Variants in RBFOX1 observed in about 807,000 individuals in gnomAD.
The protein encoded by RBFOX1 is RNA binding fox-1 homolog 1.
In RBFOX1, 8 loss-of-function variants were observed where a neutral mutation model predicts 57.7. That is an observed-to-expected ratio of 0.14 (90% CI 0.08 to 0.25). The LOEUF (loss-of-function observed/expected upper bound fraction) is 0.25, where lower values mean the gene tolerates loss of function less well. RBFOX1 is among the 10% of genes least tolerant of loss of function. The probability of loss-of-function intolerance (pLI) is 1.00; values close to 1 mark genes in which losing one functional copy is unlikely to be tolerated. For synonymous variants in RBFOX1, 326 were observed against 222.4 expected (o/e 1.47, Z -4.15); for missense variants, 611 against 548.5 (o/e 1.11, Z -1.14).
At chr16:7,587,023 T>C (rs562328466) in intron 6 of RBFOX1, among the ~76,000 whole-genome samples, 1 of 152,228 alleles carries the variant, frequency 6.6e-6, no homozygotes, top group Non-Finnish European at 1.5e-5. Context: ...ATTAACCTCT[T>C]GATTAATATT....
At chr16:7,465,320 G>T (rs1387088917) in intron 4 of RBFOX1, among the ~76,000 whole-genome samples, 1 of 152,212 alleles carries the variant, frequency 6.6e-6, no homozygotes, top group Non-Finnish European at 1.5e-5. Flanking sequence ...GCCTTCTCGT[G>T]TTGGGTGGGA....
chr16:5,711,547 G>A (rs552885928), intron 3 of RBFOX1, among the ~76,000 whole-genome samples: 1 of 152,290 alleles, frequency 6.6e-6, no homozygotes, highest in South Asian at 2.1e-4. Context: ...GAAATAAAGA[G>A]CATTAGGTGG....
At chr16:5,599,457 C>T (rs1266914146) in exon 3 of RBFOX1, 2 of 535,270 alleles carry the variant, frequency 3.7e-6, no homozygotes, top group Non-Finnish European at 6.6e-6. Flanking sequence ...GTGTATCCCT[C>T]ATCTGTCACC....
At chr16:6,731,754 CT>C (rs1212926002) in intron 3 of RBFOX1, among the ~76,000 whole-genome samples, 9 of 152,010 alleles carry the variant, frequency 5.9e-5, no homozygotes, top group Non-Finnish European at 1.0e-4. Context: ...TTACAGGATG[CT>C]TTTTTCTTCC....
chr16:7,569,205 A>G (rs1339326010), intron 5 of RBFOX1, among the ~76,000 whole-genome samples: 1 of 152,196 alleles, frequency 6.6e-6, no homozygotes, highest in Non-Finnish European at 1.5e-5. Flanking sequence ...TCAGATGACC[A>G]TACACCTAGT....
At chr16:5,898,614 A>G (rs2058226249) in intron 4 of RBFOX1, among the ~76,000 whole-genome samples, 1 of 151,932 alleles carries the variant, frequency 6.6e-6, no homozygotes, top group Admixed American at 6.6e-5. Context: ...TGTTTTGCAG[A>G]TGAATGAATC....
chr16:7,340,569 C>G (rs1161357692), intron 4 of RBFOX1, among the ~76,000 whole-genome samples: 1 of 152,168 alleles, frequency 6.6e-6, no homozygotes, highest in African/African-American at 2.4e-5. Context: ...ACAGTCCAAC[C>G]AGGACATCCA....
chr16:7,673,738 A>C (rs539170568), intron 13 of RBFOX1, among the ~76,000 whole-genome samples: 1 of 152,220 alleles, frequency 6.6e-6, no homozygotes, highest in Non-Finnish European at 1.5e-5. Flanking sequence ...TTTTTATATA[A>C]GGTTACATTT....
intron 2 of RBFOX1, among the ~76,000 whole-genome samples, chr16:5,515,235 A>T (rs2043748056): frequency 6.6e-6 from 1 of 152,222 alleles, no homozygotes; most frequent in African/African-American, 2.4e-5. Context: ...GCCTGTGCCT[A>T]CTGTCAGCTC....
In RBFOX1 at chr16:6,019,941, G is replaced by A. The variant is rs1317818120; in HGVS notation, c.-178G>A. 1 of 1,534,306 alleles carries A rather than the reference G, an allele frequency of 6.5e-7. No homozygotes were observed. The highest frequency in any genetic ancestry group is 1.4e-5 in the African/African-American group (1 of 73,112). On this transcript the variant is annotated 5_prime_UTR_variant, in exon 1 of 16. Transcript: ENST00000550418. The surrounding 1 kb of genome is among the most constrained non-coding windows in gnomAD (Gnocchi z 4.2). The stretch of plus-strand genomic sequence containing the variant: ...GGGTGCAGAGAGCGCACGGGAATTC[G>A]GGGGTCTGGGGCCGAGAACGTGACC...
intron 3 of RBFOX1, among the ~76,000 whole-genome samples, chr16:6,959,246 C>T (rs1326797322): frequency 6.6e-6 from 1 of 152,122 alleles, no homozygotes; most frequent in Non-Finnish European, 1.5e-5. Context: ...GCTCAGGGGA[C>T]AGGCAGATTT....
intron 3 of RBFOX1, 130 bp downstream of exon 3, chr16:6,654,780 G>A (rs574939829): frequency 4.9e-6 from 3 of 606,222 alleles, no homozygotes; most frequent in Non-Finnish European, 7.9e-6. Context: ...CATATTTAAA[G>A]ACAATCAGAC....
intron 1 of RBFOX1, among the ~76,000 whole-genome samples, chr16:5,333,731 A>G (rs1467047957): frequency 6.6e-6 from 1 of 152,220 alleles, no homozygotes; most frequent in Non-Finnish European, 1.5e-5. Context: ...TCTGCTACAC[A>G]CCTAGGCTAT....
At chr16:5,705,997 G>A (rs958758222) in intron 3 of RBFOX1, among the ~76,000 whole-genome samples, 1 of 152,218 alleles carries the variant, frequency 6.6e-6, no homozygotes, top group African/African-American at 2.4e-5. Context: ...TGCAACCTCT[G>A]CCTCCCAGGT....
At chr16:6,129,919 C>T (rs1161727379) in intron 1 of RBFOX1, among the ~76,000 whole-genome samples, 1 of 151,992 alleles carries the variant, frequency 6.6e-6, no homozygotes, top group Non-Finnish European at 1.5e-5. Context: ...ACACTGTCAA[C>T]ACAGAATTGT....
intron 3 of RBFOX1, among the ~76,000 whole-genome samples, chr16:5,629,288 T>G (rs1341878028): frequency 6.6e-6 from 1 of 152,196 alleles, no homozygotes; most frequent in Non-Finnish European, 1.5e-5. Context: ...TGTTCAATAT[T>G]TAACAACATT....
At chr16:5,564,008 T>A (rs2045976534) in intron 2 of RBFOX1, among the ~76,000 whole-genome samples, 1 of 152,070 alleles carries the variant, frequency 6.6e-6, no homozygotes, top group Non-Finnish European at 1.5e-5. Context: ...AGGAGAGAGT[T>A]TTTTTAAAAA....
intron 1 of RBFOX1, among the ~76,000 whole-genome samples, chr16:6,168,505 G>A (rs948534101): frequency 6.6e-6 from 1 of 152,144 alleles, no homozygotes; most frequent in Middle Eastern, 3.2e-3. Flanking sequence ...TGAGCCTATA[G>A]CAATTCAACC....
At chr16:6,615,142 A>G (rs139495703) in intron 2 of RBFOX1, among the ~76,000 whole-genome samples, 1 of 152,332 alleles carries the variant, frequency 6.6e-6, no homozygotes, top group Non-Finnish European at 1.5e-5. Flanking sequence ...ACAGTTTGCA[A>G]AACAGTTATT....
Sources: allele counts gnomAD v4.1 joint callset (sites outside exome capture counted in the v4.1 genomes callset), GRCh38; gene constraint gnomAD v4.1.1; non-coding constraint Gnocchi (gnomAD v3.1); transcripts MANE v1.5; gene names NCBI Gene and HGNC (gene_info 2026-07-23, HGNC 2026-07-21).